The following MCC variants were observed in gnomAD, a reference collection of about 807,000 sequenced individuals.
The protein encoded by MCC is MCC regulator of Wnt signaling pathway, also known as colorectal mutant cancer protein.
In MCC, 90 loss-of-function variants were observed where a neutral mutation model predicts 116.2. The observed-to-expected ratio is 0.77, with a 90% CI of 0.65 to 0.92. The LOEUF is 0.92. Ranked by LOEUF, MCC falls within the 40% of genes least tolerant of loss-of-function variation. MCC has a pLI of 0.00. For missense variants in MCC, 1,516 were observed against 1,312.2 expected (o/e 1.16, Z -2.40); for synonymous variants, 578 against 510.5 (o/e 1.13, Z -1.78).
chr5:113,451,419 G>A (rs745320648), intron 1 of MCC, among the ~76,000 whole-genome samples: 53 of 152,228 alleles, frequency 3.5e-4, no homozygotes, highest in Admixed American at 9.2e-4. Context: ...AGCATGTTTT[G>A]TATCATCTCC....
intron 3 of MCC, among the ~76,000 whole-genome samples, chr5:113,279,119 C>T (rs1487707476): frequency 6.6e-6 from 1 of 152,088 alleles, no homozygotes; most frequent in Non-Finnish European, 1.5e-5. Flanking sequence ...TCATAAACCT[C>T]AGAACTCTCC....
At chr5:113,274,754 C>T (rs1366470379) in intron 3 of MCC, among the ~76,000 whole-genome samples, 2 of 152,156 alleles carry the variant, frequency 1.3e-5, no homozygotes, top group African/African-American at 2.4e-5. Flanking sequence ...TATTACAATC[C>T]TTTGGTGGGT....
At chr5:113,382,307 A>G (rs2150392589) in intron 2 of MCC, among the ~76,000 whole-genome samples, 1 of 142,100 alleles carries the variant, frequency 7.0e-6, no homozygotes, top group South Asian at 2.2e-4. Context: ...GTCTTACTCT[A>G]TCACCCCGGC....
intron 8 of MCC, 79 bp from the exon 9 acceptor site, chr5:113,085,389 G>C: frequency 7.0e-7 from 1 of 1,420,128 alleles, no homozygotes; most frequent in Non-Finnish European, 9.6e-7. Flanking sequence ...TAGGTGGTGG[G>C]GCTTTCATTT....
chr5:113,098,435 C>A (rs116552158), intron 8 of MCC, among the ~76,000 whole-genome samples: 1 of 152,184 alleles, frequency 6.6e-6, no homozygotes, highest in African/African-American at 2.4e-5. Flanking sequence ...TGACCAATCA[C>A]GTTTGTGAAA....
In MCC at chr5:113,087,390, A is replaced by G. The variant is rs1271892077; in HGVS notation, c.1399-2080T>C. ...GACCAGACACAGGGCTAAACTCAAA[A>G]TAGCCTAAAGAATAGGAAAATATAT... On this transcript the variant is annotated intron_variant, in intron 8 of 18. Coordinates refer to ENST00000408903, the MANE Select transcript of MCC (RefSeq NM_001085377.2). Among the ~76,000 whole-genome samples the G allele has an allele frequency of 7.2e-5, 11 of 152,314 alleles. No homozygotes were observed. The East Asian group carries it at 2.1e-3, about 29-fold the overall frequency.
At chr5:113,034,150 T>C (rs149540160) in intron 17 of MCC, among the ~76,000 whole-genome samples, 162 of 150,324 alleles carry the variant, frequency 1.1e-3, no homozygotes, top group African/African-American at 3.7e-3. Flanking sequence ...TCCTCCCACC[T>C]TGCCCTCCCA....
At chr5:113,396,294 C>G (rs1046954798) in intron 1 of MCC, among the ~76,000 whole-genome samples, 52 of 152,126 alleles carry the variant, frequency 3.4e-4, no homozygotes, top group Non-Finnish European at 4.4e-5. Flanking sequence ...TGCCATTGCA[C>G]TCCAACCTGG....
chr5:113,133,815 C>T (rs1758624038), intron 5 of MCC, among the ~76,000 whole-genome samples: 1 of 152,082 alleles, frequency 6.6e-6, no homozygotes, highest in African/African-American at 2.4e-5. Flanking sequence ...TGGTAGAAGC[C>T]ATTTTAACTG....
At chr5:113,352,316 C>T (rs1370905398) in intron 2 of MCC, among the ~76,000 whole-genome samples, 4 of 152,140 alleles carry the variant, frequency 2.6e-5, no homozygotes, top group African/African-American at 9.7e-5. Flanking sequence ...CCTGATGGCT[C>T]ATATGCAGCC....
intron 17 of MCC, among the ~76,000 whole-genome samples, chr5:113,039,555 G>A (rs1256573024): frequency 6.6e-6 from 1 of 152,198 alleles, no homozygotes; most frequent in African/African-American, 2.4e-5. Flanking sequence ...TCAGATAAAC[G>A]AGTGGGCTCA....
intron 5 of MCC, among the ~76,000 whole-genome samples, chr5:113,127,045 CA>C (rs1361839281): frequency 6.6e-6 from 1 of 152,146 alleles, no homozygotes; most frequent in African/African-American, 2.4e-5. Context: ...AAGTAGGCCC[CA>C]ATGTCTGTTG....
chr5:113,232,304 A>G (rs1763965634), intron 3 of MCC, among the ~76,000 whole-genome samples: 1 of 152,168 alleles, frequency 6.6e-6, no homozygotes, highest in Non-Finnish European at 1.5e-5. Context: ...CTATCTTCCA[A>G]TGCTGGGATA....
intron 11 of MCC, among the ~76,000 whole-genome samples, chr5:113,082,603 C>A (rs1271593029): frequency 6.6e-6 from 1 of 152,198 alleles, no homozygotes; most frequent in Non-Finnish European, 1.5e-5. Flanking sequence ...ACGTTGACAG[C>A]AGAGCAGTGA....
At chr5:113,057,851 A>T (rs747214592) in intron 14 of MCC, among the ~76,000 whole-genome samples, 1 of 152,238 alleles carries the variant, frequency 6.6e-6, no homozygotes, top group African/African-American at 2.4e-5. Flanking sequence ...AAGTACTGGC[A>T]CTGTTTGCAA....
At chr5:113,191,902 AT>A (rs1762168509) in intron 3 of MCC, among the ~76,000 whole-genome samples, 2 of 151,988 alleles carry the variant, frequency 1.3e-5, no homozygotes, top group African/African-American at 2.4e-5. Flanking sequence ...TCAACAGAAA[AT>A]TCTCAAGAAT....
intron 6 of MCC, among the ~76,000 whole-genome samples, chr5:113,112,161 G>T (rs556923019): frequency 6.6e-6 from 1 of 152,174 alleles, no homozygotes; most frequent in African/African-American, 2.4e-5. Flanking sequence ...CCTGGGGATC[G>T]GTACTTGCTT....
chr5:113,189,046 AC>A (rs1762030457), intron 3 of MCC, among the ~76,000 whole-genome samples: 1 of 152,216 alleles, frequency 6.6e-6, no homozygotes, highest in Non-Finnish European at 1.5e-5. Context: ...AGACAGCTTC[AC>A]CTTGGAGGAG....
intron 6 of MCC, among the ~76,000 whole-genome samples, chr5:113,118,587 T>C (rs752200986): frequency 2.0e-5 from 3 of 152,254 alleles, no homozygotes; most frequent in Non-Finnish European, 4.4e-5. Context: ...CCTGTTATCT[T>C]TGGAGATCGG....
Sources: gnomAD v4.1 joint callset for allele counts (sites outside exome capture counted in the v4.1 genomes callset) on GRCh38, gnomAD v4.1.1 for gene constraint, MANE v1.5 for transcripts, NCBI Gene and HGNC (gene_info 2026-07-23, HGNC 2026-07-21) for gene names.